The following ZNF284 variants were observed in gnomAD, a reference collection of about 807,000 sequenced individuals.
ZNF284 encodes zinc finger protein 284.
ZNF284 carries 12 observed loss-of-function variants against 12.9 expected under a neutral mutation model. The ratio of observed to expected loss-of-function variants is 0.93; its 90% CI spans 0.60 to 1.51. The LOEUF (loss-of-function observed/expected upper bound fraction) is 1.51, where lower values mean the gene tolerates loss of function less well. ZNF284 is among the 40% of genes most tolerant of loss of function. The pLI is 0.00. For missense variants in ZNF284, 667 were observed against 707.3 expected, an observed-to-expected ratio of 0.94 and a Z score of 0.65; for synonymous variants, 225 against 236.5, an observed-to-expected ratio of 0.95 and a Z score of 0.45.
In ZNF284 at chr19:44,086,808, T is replaced by A. The variant is rs1244743675; in HGVS notation, c.1330T>A (p.Leu444Met). The A allele has an allele frequency of 6.2e-6, 10 of 1,613,920 alleles. No homozygotes were observed. Among genetic ancestry groups the A allele is most frequent in the South Asian group, 3.3e-5 (3 of 91,060 alleles). Reference sequence around the variant, plus strand: ...CTACATTAGTAAGTTTAATCTTGACTTGCACCAGAGGGTCCACACGGGAGA... The same window carrying A: ...CTACATTAGTAAGTTTAATCTTGACATGCACCAGAGGGTCCACACGGGAGA... Reference protein sequence around the residue: ...KGYISKFNLDLHQRVHTGERP... With the variant: ...KGYISKFNLDMHQRVHTGERP... The change falls in exon 5 of 5, where the codon TTG (leucine) becomes ATG (methionine). Residue 444 changes from leucine to methionine, a missense_variant. Coordinates refer to ENST00000421176, the MANE Select transcript of ZNF284 (RefSeq NM_001037813.4).
At chr19:44,077,604 C>A (rs1037769780) in intron 2 of ZNF284, among the ~76,000 whole-genome samples, 3 of 133,234 alleles carry the variant, frequency 2.3e-5, no homozygotes, top group African/African-American at 8.5e-5. Context: ...TCCATGATAT[C>A]AGAAGATTCT....
intron 2 of ZNF284, among the ~76,000 whole-genome samples, chr19:44,080,683 G>T (rs975958611): frequency 6.6e-6 from 1 of 152,234 alleles, no homozygotes; most frequent in Admixed American, 6.5e-5. Context: ...ATTGCTAAAT[G>T]TTGCTGGAGC....
Position 44,081,095 on chromosome 19 carries a change from G to A in ZNF284, c.96G>A (p.Leu32=). ...LGLLDVSQRK[L]YRDVMLENFR... ...TGCTGGACGTTTCCCAGAGGAAGCT[G>A]TATCGAGATGTCATGCTGGAGAACT... is the stretch of plus-strand genomic sequence containing the variant. Residue 32 remains leucine, a synonymous_variant, in exon 3 of 5, where the codon CTG becomes CTA. Coordinates refer to ENST00000421176, the MANE Select transcript of ZNF284 (RefSeq NM_001037813.4). 1 of 1,613,070 alleles carries A rather than the reference G, an allele frequency of 6.2e-7. No homozygotes were observed. Among genetic ancestry groups the A allele is most frequent in the East Asian group, 2.2e-5 (1 of 44,860 alleles).
At chr19:44,080,096 A>G (rs1430317760) in intron 2 of ZNF284, among the ~76,000 whole-genome samples, 1 of 152,228 alleles carries the variant, frequency 6.6e-6, no homozygotes, top group Non-Finnish European at 1.5e-5. Flanking sequence ...ATCCAAGGTC[A>G]CGTGGCTGGG....
At position 44,085,858 on chromosome 19, in the gene ZNF284, G is replaced by A. The variant is rs778497405; in HGVS notation, c.380G>A (p.Gly127Asp). 1.9e-6 allele frequency: 3 copies of A among 1,614,060 alleles called. No individual in the cohort carries two copies. The South Asian group carries it at 3.3e-5, about 18-fold the overall frequency. The change falls in exon 5 of 5, where the codon GGT becomes GAT. Residue 127 changes from glycine to aspartate, a missense_variant. Physicochemically the swap from Gly to Asp is moderately conservative, Grantham distance 94 (BLOSUM62 -1). Coordinates refer to ENST00000421176, the MANE Select transcript of ZNF284 (RefSeq NM_001037813.4). ...AGTAGCTCTCAGTTCTCCACACAAG[G>A]TGATGTCCCCTCCCAGGTTGACGCA... ...SISSSQFSTQ[G>D]DVPSQVDAGL...
chr19:44,086,580 G>A lies in ZNF284; in HGVS notation c.1102G>A (p.Asp368Asn). The A allele has an allele frequency of 6.2e-7, 1 of 1,614,214 alleles. No homozygotes were observed. Among genetic ancestry groups the A allele is most frequent in the Non-Finnish European group, 8.5e-7 (1 of 1,180,034 alleles). Residue 368 changes from aspartate (D) to asparagine (N), a missense_variant, in exon 5 of 5, where the codon GAC becomes AAC. By Grantham distance (23) the Asp-to-Asn change is conservative. Transcript: ENST00000421176. Reference sequence around the variant, plus strand: ...TAAGCATCAGATGGACCATACAGGAGACAAACCATATAATTGTAATGTATG... The same window carrying A: ...TAAGCATCAGATGGACCATACAGGAAACAAACCATATAATTGTAATGTATG... ...LCKHQMDHTG[D>N]KPYNCNVCGK...
In ZNF284 at chr19:44,086,335, C is replaced by A. The variant is rs758662841; in HGVS notation, c.857C>A (p.Pro286Gln). The A allele has an allele frequency of 6.2e-7, 1 of 1,614,154 alleles. No individual in the cohort carries two copies. The highest frequency in any genetic ancestry group is 1.1e-5 in the South Asian group (1 of 91,076). The change falls in exon 5 of 5, where the codon CCA becomes CAA. Residue 286 changes from proline (P) to glutamine (Q), a missense_variant. Coordinates refer to ENST00000421176, the MANE Select transcript of ZNF284 (RefSeq NM_001037813.4). ...EHQRIHTGEK[P>Q]FKCYICGKSF... ...CAAAGAATCCATACTGGGGAGAAGC[C>A]ATTCAAATGTTATATATGTGGTAAG...
In ZNF284 at chr19:44,087,436, GTTA is replaced by G. The variant is rs1223880835; in HGVS notation, c.*183_*185del. ...TGCTGTTCTAGTTATTTGAAAATAAGTTATTATTAATTATAGTCACCTTTAGTG... is the reference window on the plus strand; with the variant it reads ...TGCTGTTCTAGTTATTTGAAAATAAGTTATTAATTATAGTCACCTTTAGTG... On this transcript the variant is annotated 3_prime_UTR_variant, in exon 5 of 5. Transcript: ENST00000421176. 1.2e-5 allele frequency: 6 copies of G among 518,320 alleles called. No homozygotes were observed. In the Admixed American group the frequency reaches 1.4e-4, roughly 12 times the overall value. 32.1% of individuals were successfully genotyped at this position (518,320 alleles called of 1,614,324 possible).
At chr19:44,082,255 C>A in intron 4 of ZNF284, 150 bp downstream of exon 4, 1 of 591,472 alleles carries the variant, frequency 1.7e-6, no homozygotes, top group South Asian at 2.5e-5. Flanking sequence ...GCTCCCCCAC[C>A]CCCTCTTCCC....
intron 4 of ZNF284, among the ~76,000 whole-genome samples, chr19:44,083,461 A>ATC (rs1967160609): frequency 1.7e-5 from 1 of 57,560 alleles, no homozygotes; most frequent in Non-Finnish European, 4.5e-5. Context: ...ATATATATAT[A>ATC]TATATATATA....
At position 44,079,884 on chromosome 19, in the gene ZNF284, C is replaced by T. The variant is rs150965687; in HGVS notation, c.16-1131C>T. ...TGGAGGTTGCCGTGAGCTGAGTTTG[C>T]GCCATTGCACTCCAGCCTGGGCAAC... is the stretch of plus-strand genomic sequence containing the variant. On this transcript the variant is annotated intron_variant, in intron 2 of 4. Coordinates refer to ENST00000421176, the MANE Select transcript of ZNF284 (RefSeq NM_001037813.4). Among the ~76,000 whole-genome samples, 482 of 152,012 alleles carry T rather than the reference C, an allele frequency of 3.2e-3. 3 individuals carry two copies. Among genetic ancestry groups the T allele is most frequent in the African/African-American group, 0.011 (444 of 41,444 alleles).
chr19:44,080,306 A>C (rs922693205), intron 2 of ZNF284, among the ~76,000 whole-genome samples: 1 of 152,158 alleles, frequency 6.6e-6, no homozygotes, highest in African/African-American at 2.4e-5. Context: ...AGATATTAAA[A>C]AAAAAATGGG....
intron 2 of ZNF284, among the ~76,000 whole-genome samples, chr19:44,079,543 A>G (rs1967084794): frequency 6.6e-6 from 1 of 152,034 alleles, no homozygotes; most frequent in Admixed American, 6.5e-5. Context: ...CCCTGTCTCT[A>G]CTAAAAATAC....
At position 44,086,963 on chromosome 19, in the gene ZNF284, T is replaced by C; in HGVS notation, c.1485T>C (p.Asn495=). The change falls in exon 5 of 5, where the codon AAT becomes AAC. Residue 495 remains asparagine (N), a synonymous_variant. Coordinates refer to ENST00000421176, the MANE Select transcript of ZNF284 (RefSeq NM_001037813.4). ...CEECGKRFTE[N]SKLRFHQRIH... ...AGTGTGGGAAGAGGTTTACTGAGAATTCAAAACTTCGTTTCCATCAAAGAA... is the reference window on the plus strand; with the variant it reads ...AGTGTGGGAAGAGGTTTACTGAGAACTCAAAACTTCGTTTCCATCAAAGAA... 2 of 1,614,130 alleles carry C rather than the reference T, an allele frequency of 1.2e-6. No homozygotes were observed. Among genetic ancestry groups the C allele is most frequent in the Non-Finnish European group, 1.7e-6 (2 of 1,180,014 alleles).
At position 44,086,945 on chromosome 19, in the gene ZNF284, G is replaced by A; in HGVS notation, c.1467G>A (p.Gly489=). 1.2e-6 allele frequency: 2 copies of A among 1,614,218 alleles called. No individual in the cohort carries two copies. Among genetic ancestry groups the A allele is most frequent in the Non-Finnish European group, 1.7e-6 (2 of 1,180,036 alleles). Residue 489 remains glycine, a synonymous_variant, in exon 5 of 5, where the codon GGG becomes GGA. Coordinates refer to ENST00000421176, the MANE Select transcript of ZNF284 (RefSeq NM_001037813.4). ...AACCATTCAAATGTGAAGAGTGTGGGAAGAGGTTTACTGAGAATTCAAAAC... is the reference window on the plus strand; with the variant it reads ...AACCATTCAAATGTGAAGAGTGTGGAAAGAGGTTTACTGAGAATTCAAAAC... ...GEKPFKCEEC[G]KRFTENSKLR...
Position 44,087,439 on chromosome 19 carries a change from A to G in ZNF284, c.*179A>G. The G allele has an allele frequency of 2.0e-6, 1 of 503,660 alleles. No individual in the cohort carries two copies. Among genetic ancestry groups the G allele is most frequent in the Non-Finnish European group, 3.3e-6 (1 of 299,376 alleles). 31.2% of individuals were successfully genotyped at this position (503,660 alleles called of 1,614,324 possible). On this transcript the variant is annotated 3_prime_UTR_variant, in exon 5 of 5. Coordinates refer to ENST00000421176, the MANE Select transcript of ZNF284 (RefSeq NM_001037813.4). ...TGTTCTAGTTATTTGAAAATAAGTT[A>G]TTATTAATTATAGTCACCTTTAGTG... is the stretch of plus-strand genomic sequence containing the variant.
At chr19:44,080,080 A>T (rs1156696034) in intron 2 of ZNF284, among the ~76,000 whole-genome samples, 1 of 152,224 alleles carries the variant, frequency 6.6e-6, no homozygotes, top group East Asian at 1.9e-4. Flanking sequence ...GCATGTAGGC[A>T]AACTTATCCA....
rs569604464 is a variant in ZNF284 at position 44,084,345 on chromosome 19, G to A, written c.236-1369G>A. ...GTCATGCTCTGGCACTGAGATGGGC[G>A]GTACCAAGTGAAGTGGGCTTGTCCT... On this transcript the variant is annotated intron_variant, in intron 4 of 4. Coordinates refer to ENST00000421176, the MANE Select transcript of ZNF284 (RefSeq NM_001037813.4). 2.0e-4 allele frequency among the ~76,000 whole-genome samples: 30 copies of A among 152,330 alleles called. No homozygotes were observed. In the South Asian group the frequency reaches 2.7e-3, roughly 14 times the overall value.
intron 4 of ZNF284, among the ~76,000 whole-genome samples, chr19:44,083,853 T>C (rs1466843621): frequency 6.6e-6 from 1 of 152,064 alleles, no homozygotes; most frequent in Admixed American, 6.6e-5. Context: ...ACATGGTGTG[T>C]GCAGGTGAGT....
Sources: gnomAD v4.1 joint callset for allele counts (sites outside exome capture counted in the v4.1 genomes callset) on GRCh38, gnomAD v4.1.1 for gene constraint, MANE v1.5 for transcripts, NCBI Gene and HGNC (gene_info 2026-07-23, HGNC 2026-07-21) for gene names.